Variants in ARNT observed in about 807,000 individuals in gnomAD.
ARNT encodes class E basic helix-loop-helix protein 2.
In ARNT, 30 loss-of-function variants were observed where a neutral mutation model predicts 105.0. The ratio of observed to expected loss-of-function variants is 0.29; its 90% CI spans 0.21 to 0.39. The LOEUF is 0.39. Among genes scored for constraint, ARNT ranks in the 10% least tolerant of loss-of-function variants. The probability of loss-of-function intolerance (pLI) is 1.00; values close to 1 mark genes in which losing one functional copy is unlikely to be tolerated. For synonymous variants in ARNT, 304 were observed against 344.0 expected (o/e 0.88, Z 1.29); for missense variants, 748 against 978.7 (o/e 0.76, Z 3.15).
chr1:150,861,012 AC>A (rs1195554137), intron 1 of ARNT, among the ~76,000 whole-genome samples: 4 of 152,212 alleles, frequency 2.6e-5, no homozygotes, highest in African/African-American at 9.6e-5. Context: ...AAAGTGCTCA[AC>A]ATAACCAATC....
chr1:150,825,900 T>C (rs1389075691), intron 13 of ARNT, among the ~76,000 whole-genome samples: 1 of 151,006 alleles, frequency 6.6e-6, no homozygotes, highest in Admixed American at 6.6e-5. Context: ...CTTAGTGAAG[T>C]ATACAATTTT....
At position 150,842,579 on chromosome 1, in the gene ARNT, A is replaced by G. The variant is rs1034255053; in HGVS notation, c.228-111T>C. ...AGGGAGGGAGAGGAAATGGAGGGAG[A>G]AAAAAAAAGAAAAGGAGAAAGAAGA... is the stretch of plus-strand genomic sequence containing the variant. On this transcript the variant is annotated intron_variant, in intron 4 of 21. Coordinates refer to ENST00000358595, the MANE Select transcript of ARNT (RefSeq NM_001668.4). 26 of 654,900 alleles carry G rather than the reference A, an allele frequency of 4.0e-5. No individual in the cohort carries two copies. In the South Asian group the frequency reaches 4.4e-4, roughly 11 times the overall value. The allele number at this position is 654,900 out of a possible 1,614,324, so 40.6% of individuals were successfully genotyped here. A position where few individuals can be genotyped will look rare whatever the true frequency, so the allele number is the denominator to read the frequency against.
chr1:150,853,195 T>C (rs1663953041), intron 2 of ARNT: 3 of 311,026 alleles, frequency 9.6e-6, no homozygotes, highest in Non-Finnish European at 1.9e-5. Context: ...GCAGGAGAAT[T>C]GCTGGAACCC....
chr1:150,867,844 C>G (rs998393500), intron 1 of ARNT, among the ~76,000 whole-genome samples: 5 of 152,072 alleles, frequency 3.3e-5, no homozygotes, highest in Admixed American at 6.6e-5. Context: ...CCTTCTCTCC[C>G]TCTATCCTGC....
chr1:150,839,236 T>C (rs1027699), intron 6 of ARNT, among the ~76,000 whole-genome samples: 52,814 of 152,080 alleles, frequency 0.35, 9,486 homozygotes, highest in South Asian at 0.53. Flanking sequence ...CAAATATTAA[T>C]ACTTATTAGC....
At chr1:150,824,830 T>A (rs1036605213) in intron 13 of ARNT, among the ~76,000 whole-genome samples, 1 of 152,072 alleles carries the variant, frequency 6.6e-6, no homozygotes, top group African/African-American at 2.4e-5. Flanking sequence ...TGTTTTGCTT[T>A]TATTTTTTAA....
At chr1:150,850,143 T>A (rs1269288268) in intron 3 of ARNT, among the ~76,000 whole-genome samples, 1 of 152,128 alleles carries the variant, frequency 6.6e-6, no homozygotes, top group Middle Eastern at 3.2e-3. Context: ...ATCCCAGCAC[T>A]TTGGGAGGCC....
intron 5 of ARNT, among the ~76,000 whole-genome samples, chr1:150,840,638 C>T (rs1661107350): frequency 6.6e-6 from 1 of 152,114 alleles, no homozygotes; most frequent in South Asian, 2.1e-4. Flanking sequence ...ACTAAAAGTC[C>T]CATATGGGTC....
intron 19 of ARNT, among the ~76,000 whole-genome samples, chr1:150,814,633 G>A (rs587775086): frequency 4.7e-4 from 71 of 152,200 alleles, no homozygotes; most frequent in African/African-American, 1.7e-3. Flanking sequence ...CCTGAGGTGA[G>A]GAGTTCCAGA....
rs587687195 is a variant in ARNT, at chr1:150,851,087, C to T, written c.182+1675G>A. On this transcript the variant is annotated intron_variant, in intron 3 of 21. Transcript: ENST00000358595. ...TGAGAAGTGAGGAGCCCCTCCGCCC[C>T]GCAGCCGCCCCGTCCGGGAAGTGAG... Among the ~76,000 whole-genome samples the T allele has an allele frequency of 2.8e-3, 407 of 143,894 alleles. 6 individuals are homozygous for T. In the Middle Eastern group the frequency reaches 0.045, roughly 16 times the overall value. 94.4% of individuals were successfully genotyped at this position (143,894 alleles called of 152,430 possible).
intron 1 of ARNT, among the ~76,000 whole-genome samples, chr1:150,860,585 G>A (rs1282018289): frequency 6.6e-6 from 1 of 151,994 alleles, no homozygotes; most frequent in Non-Finnish European, 1.5e-5. Context: ...GCCAGGCACG[G>A]TGGCTCACAC....
chr1:150,850,405 C>A (rs1024697511), intron 3 of ARNT, among the ~76,000 whole-genome samples: 27 of 152,332 alleles, frequency 1.8e-4, no homozygotes, highest in Admixed American at 1.4e-3. Flanking sequence ...CCTCAGCCTG[C>A]CGAGTGCCTG....
intron 4 of ARNT, among the ~76,000 whole-genome samples, chr1:150,844,811 G>T (rs1034849879): frequency 6.7e-6 from 1 of 148,276 alleles, no homozygotes; most frequent in Non-Finnish European, 1.5e-5. Context: ...TTTCCTTACT[G>T]TCTTTTTTTT....
At chr1:150,864,785 TAAATA>T (rs1666270946) in intron 1 of ARNT, among the ~76,000 whole-genome samples, 21 of 122,730 alleles carry the variant, frequency 1.7e-4, no homozygotes, top group Admixed American at 6.1e-4. Flanking sequence ...AATAAATAAA[TAAATA>T]AATAAAAGAA....
intron 3 of ARNT, among the ~76,000 whole-genome samples, chr1:150,850,419 T>C (rs1028853761): frequency 2.0e-5 from 3 of 152,238 alleles, no homozygotes; most frequent in African/African-American, 2.4e-5. Context: ...GTGCCTGCGA[T>C]TGCAGTCGCG....
chr1:150,851,153 G>GGGCA (rs1376718848), intron 3 of ARNT, among the ~76,000 whole-genome samples: 1 of 150,190 alleles, frequency 6.7e-6, no homozygotes, highest in Admixed American at 6.6e-5. Context: ...GGGAGGTGGG[G>GGGCA]GGCAGCCCCC....
intron 2 of ARNT, chr1:150,853,172 T>G: frequency 9.7e-6 from 3 of 309,914 alleles, no homozygotes; most frequent in South Asian, 7.5e-5. Flanking sequence ...TCTCAGCTAC[T>G]CAGGAGGCTG....
intron 3 of ARNT, 89 bp from the exon 4 acceptor site, chr1:150,846,396 T>G: frequency 7.5e-7 from 1 of 1,333,404 alleles, no homozygotes; most frequent in East Asian, 2.4e-5. Flanking sequence ...GGTGAAAATA[T>G]TCAATAGAAA....
chr1:150,843,344 T>A (rs931836743), intron 4 of ARNT, among the ~76,000 whole-genome samples: 3 of 152,184 alleles, frequency 2.0e-5, no homozygotes, highest in African/African-American at 7.2e-5. Flanking sequence ...AATGTGTCAA[T>A]TCCATTTTAA....
Sources: allele counts gnomAD v4.1 joint callset (sites outside exome capture counted in the v4.1 genomes callset), GRCh38; gene constraint gnomAD v4.1.1; transcripts MANE v1.5; gene names NCBI Gene and HGNC (gene_info 2026-07-23, HGNC 2026-07-21).